Variants in NFIA observed in about 807,000 individuals in gnomAD.
The protein encoded by NFIA is nuclear factor I A, also known as nuclear factor 1 A-type.
Under a neutral mutation model 62.8 loss-of-function variants are expected in NFIA, and 8 were observed. The ratio of observed to expected loss-of-function variants is 0.13; its 90% CI spans 0.07 to 0.23. The LOEUF (loss-of-function observed/expected upper bound fraction) is 0.23. Among genes scored for constraint, NFIA ranks in the 10% least tolerant of loss-of-function variants. The pLI is 1.00. For missense variants in NFIA, 410 were observed against 642.1 expected (o/e 0.64, Z 3.91); for synonymous variants, 235 against 238.1 (o/e 0.99, Z 0.12).
At chr1:61,081,972 C>G, upstream of NFIA, 3 of 1,550,698 alleles carry the variant, frequency 1.9e-6, no homozygotes, top group Non-Finnish European at 2.6e-6. Flanking sequence ...GCCTCCTCCT[C>G]GGTTCTCTAC....
intron 3 of NFIA, among the ~76,000 whole-genome samples, chr1:61,295,414 T>A (rs1267341300): frequency 6.6e-6 from 1 of 152,148 alleles, no homozygotes; most frequent in Non-Finnish European, 1.5e-5. Context: ...AGACATGGTG[T>A]CTCTCTTGCT....
chr1:61,239,529 A>G (rs1369210554), intron 2 of NFIA, among the ~76,000 whole-genome samples: 1 of 152,172 alleles, frequency 6.6e-6, no homozygotes, highest in African/African-American at 2.4e-5. Flanking sequence ...AACTCTTATT[A>G]GAATTATCCT....
intron 2 of NFIA, among the ~76,000 whole-genome samples, chr1:61,159,626 T>A (rs1019861972): frequency 9.2e-5 from 14 of 152,260 alleles, no homozygotes; most frequent in African/African-American, 3.4e-4. Flanking sequence ...TATTAATCTT[T>A]GTTCTGCCTA....
At chr1:61,323,796 A>C (rs751577977) in intron 3 of NFIA, among the ~76,000 whole-genome samples, 1 of 152,216 alleles carries the variant, frequency 6.6e-6, no homozygotes, top group Non-Finnish European at 1.5e-5. Flanking sequence ...TAACAGTATC[A>C]TAAGTCACTC....
chr1:61,209,727 C>T (rs957763072), intron 2 of NFIA, among the ~76,000 whole-genome samples: 1 of 152,090 alleles, frequency 6.6e-6, no homozygotes, highest in African/African-American at 2.4e-5. Flanking sequence ...TGGTGTGTGC[C>T]TGTAGTTCCA....
At position 61,082,888 on chromosome 1, in the gene NFIA, G is replaced by A. The variant is rs554635184; in HGVS notation, c.27+70G>A. On this transcript the variant is annotated intron_variant, in intron 1 of 10. Transcript: ENST00000403491. ...GGGGGCAGGGCTGGGGCTGGGTGGG[G>A]GGCACCGGGGCCGTCGCTCCGGCCG... 114 of 1,455,954 alleles carry A rather than the reference G, an allele frequency of 7.8e-5. 2 individuals carry two copies. The South Asian group carries it at 1.2e-3, about 15-fold the overall frequency. The allele number at this position is 1,455,954 out of a possible 1,614,324, so 90.2% of individuals were successfully genotyped here.
chr1:61,122,812 A>T (rs1036854457), intron 2 of NFIA, among the ~76,000 whole-genome samples: 1 of 152,044 alleles, frequency 6.6e-6, no homozygotes, highest in Admixed American at 6.6e-5. Context: ...AAGGATGTGC[A>T]GGTTTGTTTC....
chr1:61,340,250 C>A (rs751935729), intron 4 of NFIA, among the ~76,000 whole-genome samples: 1 of 152,164 alleles, frequency 6.6e-6, no homozygotes, highest in African/African-American at 2.4e-5. Context: ...GGTCTCTATT[C>A]GTATGTTCAT....
Position 61,458,211 on chromosome 1 carries a change from G to GAAAAAAAAAAAAAAAA in NFIA, c.*2902_*2903insAAAAAAAAAAAAAAAA, listed in dbSNP as rs60042926. 7.4e-6 allele frequency: 1 copy of GAAAAAAAAAAAAAAAA among 134,510 alleles called. No homozygotes were observed. 8.3% of individuals were successfully genotyped at this position (134,510 alleles called of 1,614,324 possible). A position where few individuals can be genotyped will look rare whatever the true frequency, so the allele number is the denominator to read the frequency against. ...TAAAAAATGAAAAAAAGGAAAAAAA[G>GAAAAAAAAAAAAAAAA]AAAAAAAAAAAGAAAAAATAGCAGC... On this transcript the variant is annotated 3_prime_UTR_variant, in exon 11 of 11. Transcript: ENST00000403491.
At position 61,350,129 on chromosome 1, in the gene NFIA, A is replaced by G. The variant is rs545117182; in HGVS notation, c.701-2321A>G. On this transcript the variant is annotated intron_variant, in intron 4 of 10. Transcript: ENST00000403491. The stretch of plus-strand genomic sequence containing the variant: ...GCAAATTTGATGATAGCATTCCCAT[A>G]CTTTGCTGGTCCTTCTTTGACTATT... Among the ~76,000 whole-genome samples the G allele has an allele frequency of 1.1e-3, 161 of 152,156 alleles. 6 individuals carry two copies. In the South Asian group the frequency reaches 0.017, roughly 16 times the overall value.
chr1:61,440,219 C>G (rs903970728), intron 10 of NFIA, among the ~76,000 whole-genome samples: 7 of 152,136 alleles, frequency 4.6e-5, no homozygotes, highest in Non-Finnish European at 1.0e-4. Flanking sequence ...GTTAATATTT[C>G]AAAAACCATT....
chr1:61,166,510 A>C (rs535075848), intron 2 of NFIA, among the ~76,000 whole-genome samples: 27 of 152,228 alleles, frequency 1.8e-4, no homozygotes, highest in Non-Finnish European at 3.5e-4. Flanking sequence ...TAAATGTATG[A>C]TAATGTACTT....
chr1:61,453,801 T>G (rs573122184), intron 10 of NFIA, among the ~76,000 whole-genome samples: 1 of 152,178 alleles, frequency 6.6e-6, no homozygotes, highest in Non-Finnish European at 1.5e-5. Flanking sequence ...TTCTCTCTCC[T>G]TTCTCTCCCC....
intron 7 of NFIA, among the ~76,000 whole-genome samples, chr1:61,399,203 T>C (rs1557757770): frequency 6.6e-6 from 1 of 152,214 alleles, no homozygotes; most frequent in South Asian, 2.1e-4. Flanking sequence ...TCTCACCTGT[T>C]GCCACTGCCT....
chr1:61,256,219 G>A (rs1327814805), intron 2 of NFIA, among the ~76,000 whole-genome samples: 3 of 152,060 alleles, frequency 2.0e-5, no homozygotes, highest in African/African-American at 7.2e-5. Flanking sequence ...TTTGAGGTGA[G>A]GTCAGGAGTT....
At chr1:61,132,283 A>G (rs1013638236) in intron 2 of NFIA, among the ~76,000 whole-genome samples, 4 of 152,190 alleles carry the variant, frequency 2.6e-5, no homozygotes, top group South Asian at 4.1e-4. Flanking sequence ...ACTTCATCCC[A>G]TAAATGGATC....
intron 9 of NFIA, among the ~76,000 whole-genome samples, chr1:61,423,427 A>T (rs774807328): frequency 6.6e-5 from 10 of 152,080 alleles, no homozygotes; most frequent in Non-Finnish European, 1.5e-4. Context: ...ATGCCCAAAA[A>T]TGTCCTACAA....
At chr1:61,136,237 G>A (rs891784876) in intron 2 of NFIA, among the ~76,000 whole-genome samples, 1 of 152,260 alleles carries the variant, frequency 6.6e-6, no homozygotes, top group African/African-American at 2.4e-5. Flanking sequence ...TCTGCATTCC[G>A]TGACCTTAAT....
intron 2 of NFIA, among the ~76,000 whole-genome samples, chr1:61,156,739 C>G (rs58116682): frequency 6.6e-6 from 1 of 152,318 alleles, no homozygotes; most frequent in African/African-American, 2.4e-5. Context: ...CATCATTGTT[C>G]TAAAACAAAC....
Sources: allele counts gnomAD v4.1 joint callset (sites outside exome capture counted in the v4.1 genomes callset), GRCh38; gene constraint gnomAD v4.1.1; transcripts MANE v1.5; gene names NCBI Gene and HGNC (gene_info 2026-07-23, HGNC 2026-07-21).